Variants in ZSCAN5A observed in about 807,000 individuals in gnomAD.
The protein encoded by ZSCAN5A is zinc finger and SCAN domain-containing protein 5A.
Under a neutral mutation model 23.7 loss-of-function variants are expected in ZSCAN5A, and 12 were observed. That is an observed-to-expected ratio of 0.51 (90% CI 0.32 to 0.82). The LOEUF is 0.82. Ranked by LOEUF, ZSCAN5A falls within the 40% of genes least tolerant of loss-of-function variation. The probability of loss-of-function intolerance (pLI) is 0.03; values close to 1 mark genes in which losing one functional copy is unlikely to be tolerated. For missense variants in ZSCAN5A, 597 were observed against 617.9 expected, an observed-to-expected ratio of 0.97 and a Z score of 0.36; for synonymous variants, 257 against 239.9, an observed-to-expected ratio of 1.07 and a Z score of -0.66.
chr19:56,247,970 G>A (rs1019453433), intron 2 of ZSCAN5A, among the ~76,000 whole-genome samples: 7 of 152,142 alleles, frequency 4.6e-5, no homozygotes, highest in African/African-American at 9.7e-5. Context: ...GATTACAGGC[G>A]TGAGCCACCG....
intron 2 of ZSCAN5A, among the ~76,000 whole-genome samples, chr19:56,323,001 TCTC>T (rs1400641819): frequency 4.1e-4 from 62 of 151,286 alleles, no homozygotes; most frequent in African/African-American, 1.3e-3. Flanking sequence ...TTCACGCCAT[TCTC>T]CTGCCTCAGC....
chr19:56,258,508 A>C (rs1337473456), intron 2 of ZSCAN5A, among the ~76,000 whole-genome samples: 1 of 125,282 alleles, frequency 8.0e-6, no homozygotes, highest in Non-Finnish European at 1.6e-5. Flanking sequence ...TGACGGACAC[A>C]CCTTCCAGTG....
intron 2 of ZSCAN5A, among the ~76,000 whole-genome samples, chr19:56,308,297 G>T (rs1009370596): frequency 6.6e-6 from 1 of 151,738 alleles, no homozygotes; most frequent in African/African-American, 2.4e-5. Flanking sequence ...CTCCCAAAGT[G>T]CTGGGATTAC....
chr19:56,282,673 C>A (rs2038803726), intron 2 of ZSCAN5A, among the ~76,000 whole-genome samples: 1 of 152,174 alleles, frequency 6.6e-6, no homozygotes, highest in African/African-American at 2.4e-5. Context: ...ACAACAACAA[C>A]AACAAAAGCC....
chr19:56,230,416 G>A (rs567302173), intron 2 of ZSCAN5A, among the ~76,000 whole-genome samples: 2 of 152,276 alleles, frequency 1.3e-5, no homozygotes, highest in Admixed American at 1.3e-4. Context: ...GGTCACCAGG[G>A]TGAAGTTTGG....
chr19:56,363,644 T>C (rs2041747778), intron 1 of ZSCAN5A, among the ~76,000 whole-genome samples: 1 of 152,246 alleles, frequency 6.6e-6, no homozygotes, highest in Non-Finnish European at 1.5e-5. Flanking sequence ...TATTGGGAAC[T>C]GGAACAAACG....
chr19:56,291,408 G>A (rs912229226), intron 2 of ZSCAN5A, among the ~76,000 whole-genome samples: 2 of 152,160 alleles, frequency 1.3e-5, no homozygotes, highest in Admixed American at 1.3e-4. Flanking sequence ...GAAGCATCTC[G>A]AGTCACCCAC....
At chr19:56,226,074 T>C (rs11673622) in intron 2 of ZSCAN5A, among the ~76,000 whole-genome samples, 48,615 of 150,764 alleles carry the variant, frequency 0.32, 8,251 homozygotes, top group Middle Eastern at 0.41. Context: ...TCAATTATCG[T>C]CCAAGTTCAA....
intron 2 of ZSCAN5A, among the ~76,000 whole-genome samples, chr19:56,258,442 T>A (rs1008427017): frequency 1.1e-5 from 1 of 89,308 alleles, no homozygotes; most frequent in Non-Finnish European, 2.1e-5. Context: ...AGTGTGGGTG[T>A]TGACAGACAC....
intron 2 of ZSCAN5A, among the ~76,000 whole-genome samples, chr19:56,232,491 T>A (rs879598221): frequency 4.0e-5 from 6 of 151,598 alleles, no homozygotes; most frequent in Non-Finnish European, 5.9e-5. Context: ...TGTACCTCAA[T>A]AAGACCATGA....
intron 2 of ZSCAN5A, among the ~76,000 whole-genome samples, chr19:56,270,473 A>T (rs1475271663): frequency 6.6e-6 from 1 of 152,220 alleles, no homozygotes; most frequent in East Asian, 1.9e-4. Context: ...AGAAAGATTC[A>T]GTGAAACACC....
intron 2 of ZSCAN5A, among the ~76,000 whole-genome samples, chr19:56,311,668 T>C (rs1206930326): frequency 1.3e-5 from 2 of 152,136 alleles, no homozygotes; most frequent in Non-Finnish European, 2.9e-5. Flanking sequence ...AATGAGATAA[T>C]ATATATATAT....
upstream of ZSCAN5A, chr19:56,314,958 C>G (rs1217989895): frequency 6.6e-6 from 1 of 152,290 alleles, no homozygotes; most frequent in African/African-American, 2.4e-5. Context: ...CTTCCTGCTC[C>G]TTCACTCCTG....
intron 2 of ZSCAN5A, among the ~76,000 whole-genome samples, chr19:56,238,095 C>A (rs2035124445): frequency 9.5e-6 from 1 of 105,354 alleles, no homozygotes; most frequent in African/African-American, 3.5e-5. Context: ...CACCCGGACA[C>A]ACGGAAACAC....
chr19:56,294,267 C>T (rs990665165), intron 2 of ZSCAN5A, among the ~76,000 whole-genome samples: 2 of 152,234 alleles, frequency 1.3e-5, no homozygotes, highest in African/African-American at 4.8e-5. Context: ...CACGTGGGCT[C>T]TTTCTCCCGG....
intron 2 of ZSCAN5A, among the ~76,000 whole-genome samples, chr19:56,346,539 GA>G (rs1017437195): frequency 3.3e-5 from 5 of 149,856 alleles, no homozygotes; most frequent in South Asian, 2.1e-4. Context: ...AAAAAAAAAA[GA>G]AAAAAAGAAC....
rs551260920 is a variant in ZSCAN5A, at chr19:56,288,457, C to T, written c.-128+24826G>A. Among the ~76,000 whole-genome samples the T allele has an allele frequency of 2.6e-5, 4 of 152,318 alleles. No individual in the cohort carries two copies. The East Asian group carries it at 7.7e-4, about 29-fold the overall frequency. On this transcript the variant is annotated intron_variant, in intron 2 of 5. Transcript: ENST00000683990. ...CCGCAAGGTTAGCAACCATCACCCCCTTATAGGTTCCCATGGAACCCAGCA... is the reference window on the plus strand; with the variant it reads ...CCGCAAGGTTAGCAACCATCACCCCTTTATAGGTTCCCATGGAACCCAGCA...
intron 2 of ZSCAN5A, chr19:56,343,021 C>T (rs2041606373): frequency 3.7e-6 from 3 of 818,588 alleles, no homozygotes; most frequent in East Asian, 4.9e-5. Flanking sequence ...TCTACTTATC[C>T]AAGTCTTCTT....
chr19:56,255,858 T>A (rs962043901), intron 2 of ZSCAN5A, among the ~76,000 whole-genome samples: 1 of 152,306 alleles, frequency 6.6e-6, no homozygotes, highest in Admixed American at 6.5e-5. Context: ...CATGATTTGT[T>A]AACTGCTGGC....
Sources: gnomAD v4.1 joint callset for allele counts (sites outside exome capture counted in the v4.1 genomes callset) on GRCh38, gnomAD v4.1.1 for gene constraint, MANE v1.5 for transcripts, NCBI Gene and HGNC (gene_info 2026-07-23, HGNC 2026-07-21) for gene names.